The following DGKH variants were observed in gnomAD, a reference collection of about 807,000 sequenced individuals.
DGKH encodes the protein diacylglycerol kinase eta.
DGKH carries 90 observed loss-of-function variants against 159.3 expected under a neutral mutation model. That is an observed-to-expected ratio of 0.57 (90% CI 0.48 to 0.67). DGKH has a LOEUF of 0.67. Ranked by LOEUF, DGKH falls within the 30% of genes least tolerant of loss-of-function variation. The pLI, the probability that DGKH is intolerant of heterozygous loss-of-function variation, is 0.00. For missense variants in DGKH, 1,181 were observed against 1,506.1 expected (o/e 0.78, Z 3.57); for synonymous variants, 536 against 553.8 (o/e 0.97, Z 0.45).
chr13:42,190,780 G>A (rs1251887904), intron 16 of DGKH, among the ~76,000 whole-genome samples: 2 of 152,088 alleles, frequency 1.3e-5, no homozygotes, highest in Non-Finnish European at 2.9e-5. Flanking sequence ...AGGATTATAG[G>A]ACTAAGGATG....
intron 1 of DGKH, chr13:42,070,762 A>G (rs1290328990): frequency 4.4e-6 from 7 of 1,582,322 alleles, no homozygotes; most frequent in Non-Finnish European, 5.2e-6. Flanking sequence ...GTCTGTCTTC[A>G]TGTACTCCTG....
At chr13:42,200,007 T>A in intron 20 of DGKH, 98 bp downstream of exon 20, 1 of 952,882 alleles carries the variant, frequency 1.0e-6, no homozygotes, top group Non-Finnish European at 1.5e-6. Flanking sequence ...GATTAGCAAT[T>A]AAATAAATAT....
chr13:42,099,132 T>C (rs1356764189), intron 1 of DGKH, among the ~76,000 whole-genome samples: 1 of 152,176 alleles, frequency 6.6e-6, no homozygotes, highest in Non-Finnish European at 1.5e-5. Context: ...CACTAATTCA[T>C]AGAGTCAGGT....
rs573996098 is a variant in DGKH, at chr13:42,168,083, G to C, written c.1119-357G>C. On this transcript the variant is annotated intron_variant, in intron 9 of 29. Coordinates refer to ENST00000337343, the MANE Select transcript of DGKH (RefSeq NM_178009.5). ...TCAGCACCCTAGATTCCTTACCCATGGTTTGTAATTCTTAAGGAAAGAATT... is the reference window on the plus strand; with the variant it reads ...TCAGCACCCTAGATTCCTTACCCATCGTTTGTAATTCTTAAGGAAAGAATT... Among the ~76,000 whole-genome samples the C allele has an allele frequency of 2.9e-3, 438 of 152,194 alleles. 4 individuals are homozygous for C. The highest frequency in any genetic ancestry group is 2.8e-3 in the Non-Finnish European group (193 of 68,020).
intron 1 of DGKH, chr13:42,068,871 A>G: frequency 2.5e-6 from 2 of 799,942 alleles, no homozygotes; most frequent in Non-Finnish European, 3.7e-6. Flanking sequence ...CTTAAACTCT[A>G]GTAATAAAAA....
chr13:42,145,903 T>C (rs1337167138), intron 3 of DGKH, among the ~76,000 whole-genome samples: 7 of 152,330 alleles, frequency 4.6e-5, no homozygotes, highest in African/African-American at 1.4e-4. Flanking sequence ...ATAGATCTCA[T>C]GTTTGTAAGA....
At position 42,168,684 on chromosome 13, in the gene DGKH, G is replaced by A; in HGVS notation, c.1233G>A (p.Gln411=). 6.2e-7 allele frequency: 1 copy of A among 1,614,164 alleles called. No individual in the cohort carries two copies. The highest frequency in any genetic ancestry group is 8.5e-7 in the Non-Finnish European group (1 of 1,180,008). ...IDKLNLNKQC[Q]LGVLPLGTGN... Reference sequence around the variant, plus strand: ...CCTGTTGCACTGTCTTTCAGTGTCAGCTGGGAGTGTTGCCTTTGGGTACAG... The same window carrying A: ...CCTGTTGCACTGTCTTTCAGTGTCAACTGGGAGTGTTGCCTTTGGGTACAG... The change falls in exon 11 of 30, where the codon CAG becomes CAA. Residue 411 remains glutamine, a synonymous_variant. Coordinates refer to ENST00000337343, the MANE Select transcript of DGKH (RefSeq NM_178009.5).
chr13:42,207,123 C>CTCCTTCCTTCCTTCCT (rs377514975), intron 21 of DGKH, among the ~76,000 whole-genome samples: 1 of 52,242 alleles, frequency 1.9e-5, no homozygotes, highest in East Asian at 3.7e-4. Flanking sequence ...CTCTTTCTCT[C>CTCCTTCCTTCCTTCCT]TCCTTCCTTC....
intron 22 of DGKH, 61 bp downstream of exon 22, chr13:42,209,133 A>G: frequency 6.7e-7 from 1 of 1,494,706 alleles, no homozygotes; most frequent in Non-Finnish European, 9.2e-7. Flanking sequence ...GAAGGAATCT[A>G]TTCTAAACAA....
At chr13:42,210,300 T>TA (rs956340655) in intron 23 of DGKH, among the ~76,000 whole-genome samples, 162 of 150,266 alleles carry the variant, frequency 1.1e-3, no homozygotes, top group Non-Finnish European at 1.6e-3. Context: ...CCCAGCTAAT[T>TA]AAAAAAAAAA....
At chr13:42,081,070 T>G (rs1291438801) in intron 1 of DGKH, among the ~76,000 whole-genome samples, 1 of 152,182 alleles carries the variant, frequency 6.6e-6, no homozygotes, top group Non-Finnish European at 1.5e-5. Context: ...TGTTCAAAAT[T>G]TACCATGCTA....
intron 3 of DGKH, among the ~76,000 whole-genome samples, chr13:42,131,374 A>T (rs978510242): frequency 1.3e-5 from 2 of 152,234 alleles, no homozygotes; most frequent in African/African-American, 4.8e-5. Context: ...CTGATGAAGC[A>T]TGATTGCTGA....
chr13:42,210,789 A>G, intron 24 of DGKH, 24 bp downstream of exon 24: 3 of 1,595,584 alleles, frequency 1.9e-6, no homozygotes, highest in Non-Finnish European at 2.6e-6. Context: ...CTGACTTTTC[A>G]GGCTGTGGGA....
At position 42,234,837 on chromosome 13, in the gene DGKH, C is replaced by T. The variant is rs968946927; in HGVS notation, c.*5649C>T. ...CATCCCCTGATTGACTTTTGTATAG[C>T]AACCTCTGTGTCAAGTCAGTAATAT... On this transcript the variant is annotated 3_prime_UTR_variant, in exon 30 of 30. Coordinates refer to ENST00000337343, the MANE Select transcript of DGKH (RefSeq NM_178009.5). 1 of 152,176 alleles carries T rather than the reference C, an allele frequency of 6.6e-6. No homozygotes were observed. The highest frequency in any genetic ancestry group is 2.4e-5 in the African/African-American group (1 of 41,450). The allele number at this position is 152,176 out of a possible 1,614,324, so 9.4% of individuals were successfully genotyped here. A position where few individuals can be genotyped will look rare whatever the true frequency, so the allele number is the denominator to read the frequency against.
chr13:42,070,978 T>C (rs1882926511), intron 1 of DGKH: 2 of 1,318,358 alleles, frequency 1.5e-6, no homozygotes, highest in Non-Finnish European at 2.2e-6. Flanking sequence ...ACAATCATTG[T>C]CTACAGCAGA....
intron 6 of DGKH, 88 bp downstream of exon 6, chr13:42,159,460 T>A (rs531398758): frequency 1.1e-5 from 10 of 924,230 alleles, no homozygotes; most frequent in South Asian, 4.3e-5. Flanking sequence ...TAAGTAGGAA[T>A]GCTTATTATT....
At chr13:42,053,513 C>G (rs1158135065) in intron 1 of DGKH, among the ~76,000 whole-genome samples, 3 of 137,624 alleles carry the variant, frequency 2.2e-5, no homozygotes, top group Non-Finnish European at 4.7e-5. Flanking sequence ...TGTAACTATA[C>G]ATAACTATAT....
At chr13:42,145,280 A>G (rs1380016017) in intron 3 of DGKH, among the ~76,000 whole-genome samples, 1 of 152,222 alleles carries the variant, frequency 6.6e-6, no homozygotes, top group African/African-American at 2.4e-5. Flanking sequence ...AGCAACAGAT[A>G]AGGGAAGTCA....
At chr13:42,089,538 A>G (rs1321932581) in intron 1 of DGKH, among the ~76,000 whole-genome samples, 2 of 152,184 alleles carry the variant, frequency 1.3e-5, no homozygotes, top group South Asian at 2.1e-4. Flanking sequence ...TGGGAAGAGA[A>G]TCTATTTCTT....
Sources: allele counts gnomAD v4.1 joint callset (sites outside exome capture counted in the v4.1 genomes callset), GRCh38; gene constraint gnomAD v4.1.1; transcripts MANE v1.5; gene names NCBI Gene and HGNC (gene_info 2026-07-23, HGNC 2026-07-21).